Variants in XKR4 observed in about 807,000 individuals in gnomAD.
XKR4 encodes XK-related protein 4.
XKR4 carries 12 observed loss-of-function variants against 53.9 expected under a neutral mutation model. The observed-to-expected ratio is 0.22, with a 90% CI of 0.14 to 0.36. The LOEUF (loss-of-function observed/expected upper bound fraction) is 0.36. XKR4 is among the 10% of genes least tolerant of loss of function. The probability of loss-of-function intolerance (pLI) is 1.00; values close to 1 mark genes in which losing one functional copy is unlikely to be tolerated. For synonymous variants in XKR4, 354 were observed against 362.4 expected (o/e 0.98, Z 0.26); for missense variants, 799 against 859.5 (o/e 0.93, Z 0.88).
intron 1 of XKR4, among the ~76,000 whole-genome samples, chr8:55,355,046 G>C (rs551944908): frequency 1.3e-5 from 2 of 151,828 alleles, no homozygotes; most frequent in East Asian, 3.9e-4. Context: ...TGGGATTACA[G>C]GCATGTGCCA....
chr8:55,129,200 T>C (rs1816519761), intron 1 of XKR4, among the ~76,000 whole-genome samples: 1 of 152,192 alleles, frequency 6.6e-6, no homozygotes, highest in Admixed American at 6.5e-5. Flanking sequence ...GAAAATATAG[T>C]TTTTTCTTTC....
At chr8:55,379,142 G>T (rs1425467667) in intron 2 of XKR4, among the ~76,000 whole-genome samples, 1 of 152,016 alleles carries the variant, frequency 6.6e-6, no homozygotes, top group Non-Finnish European at 1.5e-5. Flanking sequence ...ACAGTCTGGG[G>T]GTCAGATATC....
chr8:55,138,513 T>C lies in XKR4; in HGVS notation c.806+35219T>C, dbSNP rs556596558. Among the ~76,000 whole-genome samples the C allele has an allele frequency of 2.0e-5, 3 of 152,344 alleles. No homozygotes were observed. The South Asian group carries it at 6.2e-4, about 32-fold the overall frequency. On this transcript the variant is annotated intron_variant, in intron 1 of 2. Transcript: ENST00000327381. ...GTCTTTCTTAGATGCTCTAGAAATA[T>C]ATTAATATAACAGTGGTTGCTAAAG... is the stretch of plus-strand genomic sequence containing the variant.
intron 1 of XKR4, among the ~76,000 whole-genome samples, chr8:55,309,606 T>C (rs943694034): frequency 6.6e-6 from 1 of 152,130 alleles, no homozygotes; most frequent in Non-Finnish European, 1.5e-5. Context: ...TAAGTAAGAT[T>C]GGTGGAGTGT....
intron 1 of XKR4, among the ~76,000 whole-genome samples, chr8:55,301,570 C>T (rs180714016): frequency 6.6e-6 from 1 of 152,294 alleles, no homozygotes; most frequent in East Asian, 1.9e-4. Flanking sequence ...GGAATCGCCA[C>T]ACTGACTTCC....
At chr8:55,510,276 C>A (rs567497419) in intron 2 of XKR4, among the ~76,000 whole-genome samples, 1 of 152,178 alleles carries the variant, frequency 6.6e-6, no homozygotes, top group South Asian at 2.1e-4. Context: ...AGAAAGGAGA[C>A]CCTGAGACCA....
In XKR4 at chr8:55,236,343, C is replaced by T. The variant is rs115328744; in HGVS notation, c.807-121335C>T. On this transcript the variant is annotated intron_variant, in intron 1 of 2. Transcript: ENST00000327381. ...GCCCTGGCCTGGATCTCCAGTGGTTCCTGGCCTTGTACCTCCTGGTCTGCA... is the reference window on the plus strand; with the variant it reads ...GCCCTGGCCTGGATCTCCAGTGGTTTCTGGCCTTGTACCTCCTGGTCTGCA... 3.9e-3 allele frequency among the ~76,000 whole-genome samples: 597 copies of T among 152,286 alleles called. 6 individuals are homozygous for T. Among genetic ancestry groups the T allele is most frequent in the African/African-American group, 0.013 (561 of 41,564 alleles).
At chr8:55,131,433 C>T (rs1816552670) in intron 1 of XKR4, among the ~76,000 whole-genome samples, 1 of 152,178 alleles carries the variant, frequency 6.6e-6, no homozygotes, top group African/African-American at 2.4e-5. Flanking sequence ...TCTATGATTA[C>T]TTTGTTACAC....
In XKR4 at chr8:55,164,279, C is replaced by A. The variant is rs570076147; in HGVS notation, c.806+60985C>A. The A allele has an allele frequency of 1.9e-3, 851 of 456,096 alleles. 15 individuals carry two copies. The highest frequency in any genetic ancestry group is 0.012 in the South Asian group (793 of 64,496). The allele number at this position is 456,096 out of a possible 1,614,324, so 28.3% of individuals were successfully genotyped here. Reference sequence around the variant, plus strand: ...TCTCTGTCTCTCTTTGCCTGACCCTCGTCCATTCTCCTAGTGGGCAGGATG... The same window carrying A: ...TCTCTGTCTCTCTTTGCCTGACCCTAGTCCATTCTCCTAGTGGGCAGGATG... On this transcript the variant is annotated intron_variant, in intron 1 of 2. Transcript: ENST00000327381.
At chr8:55,133,335 C>T (rs1037454385) in intron 1 of XKR4, among the ~76,000 whole-genome samples, 4 of 152,228 alleles carry the variant, frequency 2.6e-5, no homozygotes, top group African/African-American at 9.7e-5. Context: ...TGCATCTCAT[C>T]TTGCACAGGA....
intron 1 of XKR4, chr8:55,161,474 C>A (rs568546644): frequency 1.1e-5 from 5 of 452,688 alleles, no homozygotes; most frequent in African/African-American, 2.0e-5. Context: ...CTGGGCTGGG[C>A]AGTGATGGGT....
chr8:55,476,437 A>G (rs899072747), intron 2 of XKR4, among the ~76,000 whole-genome samples: 2 of 152,162 alleles, frequency 1.3e-5, no homozygotes, highest in African/African-American at 4.8e-5. Flanking sequence ...CTGAGCCAAG[A>G]TGGCCGAATA....
chr8:55,337,316 T>C (rs549767949), intron 1 of XKR4, among the ~76,000 whole-genome samples: 20 of 152,326 alleles, frequency 1.3e-4, no homozygotes, highest in African/African-American at 4.6e-4. Flanking sequence ...AATCAAGTCA[T>C]GGGGTTTTGT....
At chr8:55,413,446 G>A (rs748561406) in intron 2 of XKR4, among the ~76,000 whole-genome samples, 7 of 152,094 alleles carry the variant, frequency 4.6e-5, no homozygotes, top group Admixed American at 1.3e-4. Context: ...GGCTGGTCTC[G>A]AACTGCTGAC....
chr8:55,263,491 G>A (rs1461178364), intron 1 of XKR4, among the ~76,000 whole-genome samples: 1 of 152,176 alleles, frequency 6.6e-6, no homozygotes, highest in Non-Finnish European at 1.5e-5. Flanking sequence ...TAGGGATAAA[G>A]GCAGAAATAA....
intron 2 of XKR4, among the ~76,000 whole-genome samples, chr8:55,439,299 G>A (rs887282725): frequency 2.0e-5 from 3 of 151,564 alleles, no homozygotes; most frequent in Non-Finnish European, 4.4e-5. Flanking sequence ...TAATGCCCAC[G>A]TATAAAGTCC....
chr8:55,121,043 T>C (rs1600637), intron 1 of XKR4, among the ~76,000 whole-genome samples: 129,236 of 152,212 alleles, frequency 0.85, 54,975 homozygotes, highest in East Asian at 0.93. Flanking sequence ...TATGGCTTGA[T>C]AGCTCATTTG....
intron 1 of XKR4, among the ~76,000 whole-genome samples, chr8:55,302,903 T>C (rs1268288842): frequency 6.6e-6 from 1 of 152,160 alleles, no homozygotes; most frequent in African/African-American, 2.4e-5. Flanking sequence ...TGGGCTGAGA[T>C]GATGGGATTT....
At chr8:55,232,899 G>A (rs1334203460) in intron 1 of XKR4, among the ~76,000 whole-genome samples, 1 of 152,138 alleles carries the variant, frequency 6.6e-6, no homozygotes, top group Non-Finnish European at 1.5e-5. Flanking sequence ...CACTCTCTCT[G>A]TTCTGGCTCT....
Sources: gnomAD v4.1 joint callset for allele counts (sites outside exome capture counted in the v4.1 genomes callset) on GRCh38, gnomAD v4.1.1 for gene constraint, MANE v1.5 for transcripts, NCBI Gene and HGNC (gene_info 2026-07-23, HGNC 2026-07-21) for gene names.